The following LDLRAD3 variants were observed in gnomAD, a reference collection of about 807,000 sequenced individuals.
The protein encoded by LDLRAD3 is low-density lipoprotein receptor class A domain-containing protein 3.
Under a neutral mutation model 29.4 loss-of-function variants are expected in LDLRAD3, and 20 were observed. That is an observed-to-expected ratio of 0.68 (90% confidence interval 0.48 to 0.99). The LOEUF is 0.99. Ranked by LOEUF, LDLRAD3 falls within the 50% of genes least tolerant of loss-of-function variation. The pLI is 0.00. For synonymous variants in LDLRAD3, 157 were observed against 192.7 expected (o/e 0.81, Z 1.53); for missense variants, 420 against 454.3 (o/e 0.92, Z 0.69).
intron 1 of LDLRAD3, among the ~76,000 whole-genome samples, chr11:35,987,887 G>T (rs1851634488): frequency 6.6e-6 from 1 of 152,198 alleles, no homozygotes. Flanking sequence ...CCCATCAACT[G>T]TGTATAAGCG....
intron 1 of LDLRAD3, among the ~76,000 whole-genome samples, chr11:35,986,378 T>C (rs937360225): frequency 1.3e-5 from 2 of 152,216 alleles, no homozygotes; most frequent in African/African-American, 2.4e-5. Flanking sequence ...CAGAATATTG[T>C]TGATGTTCAG....
At chr11:36,146,535 T>C (rs1211625755) in intron 4 of LDLRAD3, among the ~76,000 whole-genome samples, 1 of 152,182 alleles carries the variant, frequency 6.6e-6, no homozygotes, top group African/African-American at 2.4e-5. Flanking sequence ...AAACAGACAG[T>C]TATTCTCGTA....
At chr11:36,106,568 C>T (rs1325599736) in intron 4 of LDLRAD3, among the ~76,000 whole-genome samples, 1 of 152,188 alleles carries the variant, frequency 6.6e-6, no homozygotes, top group African/African-American at 2.4e-5. Context: ...GGAGGAGGGT[C>T]CTAAGGGCTG....
intron 4 of LDLRAD3, among the ~76,000 whole-genome samples, chr11:36,101,201 G>T (rs1234547909): frequency 1.3e-5 from 2 of 152,086 alleles, no homozygotes; most frequent in Non-Finnish European, 2.9e-5. Context: ...CAGTTTCATG[G>T]GTATAACAGC....
chr11:36,002,127 T>C (rs566593600), intron 1 of LDLRAD3, among the ~76,000 whole-genome samples: 12 of 152,346 alleles, frequency 7.9e-5, no homozygotes, highest in Middle Eastern at 3.4e-3. Context: ...TTGAATCCAG[T>C]AGATGTTCCA....
intron 2 of LDLRAD3, among the ~76,000 whole-genome samples, chr11:36,062,699 A>G (rs944355788): frequency 6.6e-6 from 1 of 152,170 alleles, no homozygotes; most frequent in African/African-American, 2.4e-5. Flanking sequence ...TGATGGTTTT[A>G]TAAGGGGCTT....
At chr11:36,191,618 ACACACG>A (rs772503342) in intron 4 of LDLRAD3, among the ~76,000 whole-genome samples, 4,698 of 84,086 alleles carry the variant, frequency 0.056, 233 homozygotes, top group East Asian at 0.1. Flanking sequence ...ACACACACAC[ACACACG>A]CACGCACGCA....
chr11:35,992,164 T>C (rs1851699666), intron 1 of LDLRAD3, among the ~76,000 whole-genome samples: 1 of 152,180 alleles, frequency 6.6e-6, no homozygotes, highest in African/African-American at 2.4e-5. Context: ...TTTTTCAAGA[T>C]AGTAGGAAAG....
chr11:36,160,193 AT>A (rs1355908068), intron 4 of LDLRAD3, among the ~76,000 whole-genome samples: 2 of 152,086 alleles, frequency 1.3e-5, no homozygotes, highest in East Asian at 3.9e-4. Context: ...AGTGAACGTG[AT>A]AAAATTCCAG....
At chr11:36,043,746 G>T (rs1852411809) in intron 2 of LDLRAD3, among the ~76,000 whole-genome samples, 1 of 152,122 alleles carries the variant, frequency 6.6e-6, no homozygotes, top group Non-Finnish European at 1.5e-5. Flanking sequence ...TTTTTTTTCT[G>T]CATCTTGGTT....
At chr11:35,984,339 T>C (rs1851581235) in intron 1 of LDLRAD3, among the ~76,000 whole-genome samples, 1 of 152,162 alleles carries the variant, frequency 6.6e-6, no homozygotes, top group African/African-American at 2.4e-5. Flanking sequence ...GTGAAGTGGT[T>C]TATTGCCCTG....
At chr11:36,125,397 ATTG>A (rs2133300182) in intron 4 of LDLRAD3, among the ~76,000 whole-genome samples, 1 of 152,310 alleles carries the variant, frequency 6.6e-6, no homozygotes, top group East Asian at 1.9e-4. Flanking sequence ...GAATAATGAT[ATTG>A]TTGTGTAGAA....
chr11:36,045,260 A>C (rs1436405900), intron 2 of LDLRAD3, among the ~76,000 whole-genome samples: 1 of 152,182 alleles, frequency 6.6e-6, no homozygotes, highest in African/African-American at 2.4e-5. Flanking sequence ...AACTTTTCTT[A>C]AAGGCCCCTG....
In LDLRAD3 at chr11:36,124,337, A is replaced by AG. The variant is rs1458680873; in HGVS notation, c.454+25876_454+25877insG. 2.0e-5 allele frequency among the ~76,000 whole-genome samples: 3 copies of AG among 152,338 alleles called. No individual in the cohort carries two copies. The South Asian group carries it at 6.2e-4, about 32-fold the overall frequency. On this transcript the variant is annotated intron_variant, in intron 4 of 5. Coordinates refer to ENST00000315571, the MANE Select transcript of LDLRAD3 (RefSeq NM_174902.4). ...CTACCAAGTATCATGGAAGCAATAT[A>AG]CTATATGCCAGGCACTAGCATAGGT...
intron 1 of LDLRAD3, among the ~76,000 whole-genome samples, chr11:35,980,533 T>C (rs953073731): frequency 1.1e-4 from 17 of 152,226 alleles, no homozygotes; most frequent in Admixed American, 9.8e-4. Context: ...AATGACACTA[T>C]GAGAAATATT....
chr11:36,074,129 A>C, intron 2 of LDLRAD3, among the ~76,000 whole-genome samples: 1 of 152,208 alleles, frequency 6.6e-6, no homozygotes, highest in East Asian at 1.9e-4. Context: ...GTTCATTTGG[A>C]CATTATGCAA....
Position 36,229,219 on chromosome 11 carries a change from A to C in LDLRAD3, c.860A>C (p.Gln287Pro), listed in dbSNP as rs760086445. ...TCTTCTGACACGGAATCTCTGAACC[A>C]AGCCGACCTGCCCCCCTACCGCTCC... ...PYSSDTESLN[Q>P]ADLPPYRSRS... The change falls in exon 6 of 6, where the codon CAA (glutamine) becomes CCA (proline). Residue 287 changes from glutamine to proline, a missense_variant. Coordinates refer to ENST00000315571, the MANE Select transcript of LDLRAD3 (RefSeq NM_174902.4). 6.2e-7 allele frequency: 1 copy of C among 1,613,804 alleles called. No individual in the cohort carries two copies. Among genetic ancestry groups the C allele is most frequent in the South Asian group, 1.1e-5 (1 of 91,050 alleles).
chr11:36,208,020 A>G (rs961712062), intron 4 of LDLRAD3, among the ~76,000 whole-genome samples: 1 of 152,192 alleles, frequency 6.6e-6, no homozygotes, highest in Admixed American at 6.5e-5. Context: ...ATCTCCACAA[A>G]TGGCACACTC....
intron 1 of LDLRAD3, among the ~76,000 whole-genome samples, chr11:35,946,867 C>G (rs929949113): frequency 2.0e-5 from 3 of 152,198 alleles, no homozygotes; most frequent in Non-Finnish European, 4.4e-5. Flanking sequence ...CAGCACAGCT[C>G]AGCTCGGGAA....
Sources: gnomAD v4.1 joint callset for allele counts (sites outside exome capture counted in the v4.1 genomes callset) on GRCh38, gnomAD v4.1.1 for gene constraint, MANE v1.5 for transcripts, NCBI Gene and HGNC (gene_info 2026-07-23, HGNC 2026-07-21) for gene names.